DOCK1: variants seen among roughly 807,000 people sequenced by gnomAD.
DOCK1 encodes dedicator of cytokinesis 1, also known as dedicator of cytokinesis protein 1.
A neutral mutation model predicts 262.7 loss-of-function variants in DOCK1; 138 were observed. The ratio of observed to expected loss-of-function variants is 0.53; its 90% CI spans 0.46 to 0.61. The LOEUF is 0.61. Among genes scored for constraint, DOCK1 ranks in the 20% least tolerant of loss-of-function variants. The pLI is 0.00. For missense variants in DOCK1, 1,908 were observed against 2,370.7 expected (o/e 0.80, Z 4.05); for synonymous variants, 866 against 867.4 (o/e 1.00, Z 0.03).
At chr10:127,450,336 C>T (rs373040822) in intron 51 of DOCK1, among the ~76,000 whole-genome samples, 26 of 152,204 alleles carry the variant, frequency 1.7e-4, no homozygotes, top group African/African-American at 5.8e-4. Context: ...CAAACCCACA[C>T]TGAGAGGCTG....
intron 29 of DOCK1, among the ~76,000 whole-genome samples, chr10:127,270,999 ATGTGTG>A (rs759346728): frequency 7.5e-6 from 1 of 133,660 alleles, no homozygotes; most frequent in South Asian, 2.7e-4. Flanking sequence ...ATATGTGTGT[ATGTGTG>A]TGTGTGTGTG....
chr10:127,170,994 A>T (rs1341747719), intron 27 of DOCK1, among the ~76,000 whole-genome samples: 1 of 152,212 alleles, frequency 6.6e-6, no homozygotes, highest in Non-Finnish European at 1.5e-5. Context: ...TGCAGAATTC[A>T]TCCCACTGAA....
intron 27 of DOCK1, among the ~76,000 whole-genome samples, chr10:127,140,998 G>C (rs1592185701): frequency 6.6e-6 from 1 of 152,302 alleles, no homozygotes; most frequent in East Asian, 1.9e-4. Context: ...CGGCAGACCT[G>C]TGGTGGGAGT....
chr10:127,289,400 T>C (rs972572142), intron 29 of DOCK1, among the ~76,000 whole-genome samples: 4 of 152,220 alleles, frequency 2.6e-5, no homozygotes, highest in African/African-American at 7.2e-5. Flanking sequence ...TTTACTGTTA[T>C]AGATGGTGCT....
At position 127,437,387 on chromosome 10, in the gene DOCK1, G is replaced by C. The variant is rs916676459; in HGVS notation, c.5061-1640G>C. Among the ~76,000 whole-genome samples, 2 of 152,122 alleles carry C rather than the reference G, an allele frequency of 1.3e-5. No individual in the cohort carries two copies. The highest frequency in any genetic ancestry group is 4.8e-5 in the African/African-American group (2 of 41,432). ...TTTTGCAAATGATCCTTCCCTTCCT[G>C]GTTCATCTTACTCCCCATTATGGGA... On this transcript the variant is annotated intron_variant, in intron 48 of 51. Coordinates refer to ENST00000623213, the MANE Select transcript of DOCK1 (RefSeq NM_001290223.2). The surrounding 1 kb of genome is among the most constrained non-coding windows in gnomAD (Gnocchi z 4.4).
At chr10:127,172,523 T>C (rs2054670363) in intron 27 of DOCK1, among the ~76,000 whole-genome samples, 1 of 152,090 alleles carries the variant, frequency 6.6e-6, no homozygotes, top group South Asian at 2.1e-4. Flanking sequence ...AGAAGACGGG[T>C]GGGAAATTTG....
intron 40 of DOCK1, among the ~76,000 whole-genome samples, chr10:127,406,271 G>A (rs1349091456): frequency 1.3e-5 from 2 of 152,194 alleles, no homozygotes; most frequent in Admixed American, 1.3e-4. Flanking sequence ...TGTGAGGGCA[G>A]TGCCGGGTGC....
chr10:127,373,163 C>G (rs1333426594), intron 33 of DOCK1, among the ~76,000 whole-genome samples: 1 of 152,130 alleles, frequency 6.6e-6, no homozygotes, highest in African/African-American at 2.4e-5. Context: ...CCTTCTGCAC[C>G]CTGATTCCCA....
At chr10:126,994,038 A>C (rs1280277501) in intron 6 of DOCK1, among the ~76,000 whole-genome samples, 1 of 152,138 alleles carries the variant, frequency 6.6e-6, no homozygotes, top group African/African-American at 2.4e-5. Context: ...TTCCTTTTTC[A>C]TATTGTTAAA....
chr10:127,282,878 G>A (rs1164255688), intron 29 of DOCK1, among the ~76,000 whole-genome samples: 1 of 152,228 alleles, frequency 6.6e-6, no homozygotes, highest in Non-Finnish European at 1.5e-5. Flanking sequence ...GAGTGATAGT[G>A]GGGAGCTGCC....
In DOCK1 at chr10:127,419,733, A is replaced by G. The variant is rs1311957284; in HGVS notation, c.4760A>G (p.Asp1587Gly). 1 of 1,599,764 alleles carries G rather than the reference A, an allele frequency of 6.3e-7. No individual in the cohort carries two copies. Among genetic ancestry groups the G allele is most frequent in the Non-Finnish European group, 8.5e-7 (1 of 1,172,798 alleles). Reference protein sequence around the residue: ...EAHEKIEKLKDLIAWQIPFLA... With the variant: ...EAHEKIEKLKGLIAWQIPFLA... Reference sequence around the variant, plus strand: ...CATGAAAAGATCGAGAAGCTCAAGGACCTGATTGCTTGGCAGGTAAAGTGT... The same window carrying G: ...CATGAAAAGATCGAGAAGCTCAAGGGCCTGATTGCTTGGCAGGTAAAGTGT... Residue 1587 changes from aspartate to glycine, a missense_variant, in exon 46 of 52, where the codon GAC (aspartate) becomes GGC (glycine). This residue lies in a region of DOCK1 where 383 missense variants were observed against 420.1 expected (regional missense o/e 0.91). Coordinates refer to ENST00000623213, the MANE Select transcript of DOCK1 (RefSeq NM_001290223.2).
chr10:127,388,003 C>T (rs908389097), intron 38 of DOCK1, among the ~76,000 whole-genome samples: 1 of 152,120 alleles, frequency 6.6e-6, no homozygotes, highest in Non-Finnish European at 1.5e-5. Flanking sequence ...ATTGTGGGTT[C>T]TCCTGACTGG....
intron 4 of DOCK1, among the ~76,000 whole-genome samples, chr10:126,985,460 C>T (rs1167124868): frequency 6.6e-6 from 1 of 152,122 alleles, no homozygotes; most frequent in African/African-American, 2.4e-5. Flanking sequence ...ACATTAATCC[C>T]AGGGATCCAC....
intron 31 of DOCK1, among the ~76,000 whole-genome samples, chr10:127,344,778 T>C (rs1181963148): frequency 6.6e-6 from 1 of 152,114 alleles, no homozygotes; most frequent in Non-Finnish European, 1.5e-5. Flanking sequence ...GGAAGATCAC[T>C]TGAGCCCAGG....
In DOCK1 at chr10:126,996,876, AG is replaced by A; in HGVS notation, c.604del (p.Glu202LysfsTer8). On this transcript the variant is annotated frameshift_variant, in exon 7 of 52. Coordinates refer to ENST00000623213, the MANE Select transcript of DOCK1 (RefSeq NM_001290223.2). LOFTEE classifies it high-confidence loss of function. ...ASKQVEERLQ[E>X]EKSQKQNIDI... ...AAACAAGTGGAGGAAAGGTTACAAG[AG>A]GAAAAAGTAAGTTTGACTCTGTCAT... 6.3e-7 allele frequency: 1 copy of A among 1,595,018 alleles called. No individual in the cohort carries two copies. The highest frequency in any genetic ancestry group is 8.5e-7 in the Non-Finnish European group (1 of 1,173,420).
intron 1 of DOCK1, among the ~76,000 whole-genome samples, chr10:126,961,362 C>A (rs1009143075): frequency 7.8e-4 from 119 of 152,168 alleles, no homozygotes; most frequent in African/African-American, 2.7e-3. Flanking sequence ...CTGAGGCGGG[C>A]GGATCACTTG....
chr10:127,399,153 C>T lies in DOCK1; in HGVS notation c.3928-3902C>T, dbSNP rs375789896. Among the ~76,000 whole-genome samples, 16 of 152,200 alleles carry T rather than the reference C, an allele frequency of 1.1e-4. No individual in the cohort carries two copies. The East Asian group carries it at 1.2e-3, about 11-fold the overall frequency. The stretch of plus-strand genomic sequence containing the variant: ...AAGTCAACCGGCAATTTCAAGAATG[C>T]CGTAAATTGGATTAAGGATTTCGCA... On this transcript the variant is annotated intron_variant, in intron 38 of 51. Coordinates refer to ENST00000623213, the MANE Select transcript of DOCK1 (RefSeq NM_001290223.2).
At chr10:126,914,348 G>A (rs1432652306) in intron 1 of DOCK1, among the ~76,000 whole-genome samples, 1 of 152,150 alleles carries the variant, frequency 6.6e-6, no homozygotes, top group African/African-American at 2.4e-5. Context: ...CCTGAGGAGT[G>A]TGATGCAAGA....
intron 39 of DOCK1, 85 bp downstream of exon 39, chr10:127,403,229 G>A: frequency 7.1e-7 from 1 of 1,403,116 alleles, no homozygotes; most frequent in Non-Finnish European, 9.8e-7. Context: ...GTCAATGTTA[G>A]GGTTCACCCC....
Sources: gnomAD v4.1 joint callset for allele counts (sites outside exome capture counted in the v4.1 genomes callset) on GRCh38, gnomAD v4.1.1 for gene constraint, gnomAD v4.1.1 regional missense constraint, Gnocchi (gnomAD v3.1) non-coding constraint, MANE v1.5 for transcripts, NCBI Gene and HGNC (gene_info 2026-07-23, HGNC 2026-07-21) for gene names.